Variants in COLEC10 observed in about 807,000 individuals in gnomAD.
COLEC10 encodes the protein collectin subfamily member 10.
A neutral mutation model predicts 28.4 loss-of-function variants in COLEC10; 22 were observed. The observed-to-expected ratio is 0.78, with a 90% CI of 0.55 to 1.11. The LOEUF (loss-of-function observed/expected upper bound fraction) is 1.11, where lower values mean the gene tolerates loss of function less well. Ranked by LOEUF, COLEC10 falls within the 50% of genes least tolerant of loss-of-function variation. The pLI is 0.00. For synonymous variants in COLEC10, 125 were observed against 116.1 expected, an observed-to-expected ratio of 1.08 and a Z score of -0.49; for missense variants, 361 against 344.1, an observed-to-expected ratio of 1.05 and a Z score of -0.39.
intron 2 of COLEC10, among the ~76,000 whole-genome samples, chr8:119,051,134 A>G (rs1814666574): frequency 1.3e-5 from 2 of 152,214 alleles, no homozygotes; most frequent in Admixed American, 1.3e-4. Flanking sequence ...TTAAAAAAAA[A>G]TGGACATGAA....
chr8:118,998,493 A>G (rs1047813675), intron 1 of COLEC10, among the ~76,000 whole-genome samples: 11 of 152,110 alleles, frequency 7.2e-5, no homozygotes, highest in African/African-American at 2.7e-4. Context: ...ATAGAAGTTC[A>G]TAAAAGCCAA....
chr8:118,961,470 T>C, the COLEC10 span, among the ~76,000 whole-genome samples: 4 of 152,210 alleles, frequency 2.6e-5, no homozygotes, highest in Non-Finnish European at 5.9e-5. Flanking sequence ...AGAATACAAG[T>C]GGCTCATCTG....
At chr8:118,979,688 A>T in the COLEC10 span, among the ~76,000 whole-genome samples, 1 of 152,150 alleles carries the variant, frequency 6.6e-6, no homozygotes, top group Non-Finnish European at 1.5e-5. Flanking sequence ...GTTAAATGTC[A>T]TTTCAAGTAT....
chr8:119,103,318 T>A (rs1332911410), intron 4 of COLEC10, among the ~76,000 whole-genome samples: 1 of 152,240 alleles, frequency 6.6e-6, no homozygotes, highest in Non-Finnish European at 1.5e-5. Flanking sequence ...AGCTGTATTT[T>A]AAATGGATAA....
At chr8:119,032,855 T>TC (rs1235597756) in intron 2 of COLEC10, among the ~76,000 whole-genome samples, 8 of 152,180 alleles carry the variant, frequency 5.3e-5, no homozygotes, top group African/African-American at 1.9e-4. Flanking sequence ...TGAGCTGAGA[T>TC]CGCGCCTCTG....
the COLEC10 span, chr8:118,982,664 G>C: frequency 5.6e-6 from 1 of 179,444 alleles, no homozygotes; most frequent in Non-Finnish European, 1.2e-5. Context: ...CTTTTCAGAA[G>C]GAAGCTGAAT....
At chr8:119,086,389 TG>T (rs1554628860) in intron 1 of COLEC10, among the ~76,000 whole-genome samples, 1 of 49,246 alleles carries the variant, frequency 2.0e-5, no homozygotes, top group African/African-American at 6.9e-5. Flanking sequence ...GGCGGGGAGG[TG>T]GGGGGGGTCC....
the COLEC10 span, among the ~76,000 whole-genome samples, chr8:118,971,541 C>A: frequency 6.6e-6 from 1 of 151,984 alleles, no homozygotes; most frequent in Admixed American, 6.6e-5. Context: ...TCTAGGAAGA[C>A]CTACCCTAGG....
intron 2 of COLEC10, among the ~76,000 whole-genome samples, chr8:119,033,262 T>C (rs1814325124): frequency 6.6e-6 from 1 of 152,152 alleles, no homozygotes; most frequent in Admixed American, 6.5e-5. Context: ...CAGATAATTT[T>C]TTTTTTAAGT....
chr8:118,971,509 A>G, the COLEC10 span, among the ~76,000 whole-genome samples: 1 of 151,990 alleles, frequency 6.6e-6, no homozygotes, highest in African/African-American at 2.4e-5. Flanking sequence ...CATGAGTGAT[A>G]AAATAGGTAG....
chr8:119,090,178 C>T (rs1215087186), intron 2 of COLEC10, among the ~76,000 whole-genome samples: 5 of 152,094 alleles, frequency 3.3e-5, no homozygotes, highest in African/African-American at 4.8e-5. Flanking sequence ...TTCACCTTTC[C>T]CCAAGATCTC....
intron 2 of COLEC10, among the ~76,000 whole-genome samples, chr8:119,045,041 C>T (rs1441498777): frequency 2.0e-5 from 3 of 152,156 alleles, no homozygotes; most frequent in Non-Finnish European, 4.4e-5. Flanking sequence ...TAAATTTCCA[C>T]AATTTTTTCC....
chr8:119,053,010 C>T (rs2465384), intron 2 of COLEC10, among the ~76,000 whole-genome samples: 10,258 of 152,012 alleles, frequency 0.067, 492 homozygotes, highest in Middle Eastern at 0.095. Flanking sequence ...TGAGCGAAGA[C>T]GGCAAAGAGG....
the COLEC10 span, among the ~76,000 whole-genome samples, chr8:118,955,991 A>C: frequency 6.6e-6 from 1 of 152,188 alleles, no homozygotes; most frequent in African/African-American, 2.4e-5. Flanking sequence ...GTCAAATTTA[A>C]GCAACAAAAA....
chr8:118,998,516 C>A (rs1017184769), intron 1 of COLEC10, among the ~76,000 whole-genome samples: 6 of 151,834 alleles, frequency 4.0e-5, no homozygotes, highest in African/African-American at 1.5e-4. Context: ...GATTTTTTAC[C>A]ATCTTGTGCA....
chr8:119,004,052 T>G (rs746818395), intron 1 of COLEC10, among the ~76,000 whole-genome samples: 3 of 152,066 alleles, frequency 2.0e-5, no homozygotes, highest in Non-Finnish European at 4.4e-5. Context: ...TTAACCTAAC[T>G]ATAACCCATC....
chr8:118,984,304 A>G, the COLEC10 span, among the ~76,000 whole-genome samples: 1 of 152,062 alleles, frequency 6.6e-6, no homozygotes, highest in Non-Finnish European at 1.5e-5. Flanking sequence ...GACACTAAGA[A>G]GGGAAAAACA....
At chr8:119,048,807 C>G (rs1014669316) in intron 2 of COLEC10, among the ~76,000 whole-genome samples, 1 of 152,016 alleles carries the variant, frequency 6.6e-6, no homozygotes, top group African/African-American at 2.4e-5. Flanking sequence ...CACTCTATAG[C>G]TTTTAAATGG....
At chr8:119,048,447 G>A (rs577327350) in intron 2 of COLEC10, among the ~76,000 whole-genome samples, 3 of 152,230 alleles carry the variant, frequency 2.0e-5, no homozygotes, top group South Asian at 2.1e-4. Context: ...GGACATTGAC[G>A]CCTCCCACTG....
Sources: gnomAD v4.1 joint callset for allele counts (sites outside exome capture counted in the v4.1 genomes callset) on GRCh38, gnomAD v4.1.1 for gene constraint, MANE v1.5 for transcripts, NCBI Gene and HGNC (gene_info 2026-07-23, HGNC 2026-07-21) for gene names.